SHQ1: variants seen among roughly 807,000 people sequenced by gnomAD.
The protein encoded by SHQ1 is SHQ1, H/ACA ribonucleoprotein assembly factor.
Under a neutral mutation model 53.8 loss-of-function variants are expected in SHQ1, and 49 were observed. The ratio of observed to expected loss-of-function variants is 0.91; its 90% CI spans 0.72 to 1.16. SHQ1 has a LOEUF of 1.16. SHQ1 is among the 50% of genes most tolerant of loss of function. The pLI is 0.00. For missense variants in SHQ1, 738 were observed against 683.1 expected, an observed-to-expected ratio of 1.08 and a Z score of -0.90; for synonymous variants, 243 against 251.0, an observed-to-expected ratio of 0.97 and a Z score of 0.30.
At chr3:72,770,663 AG>A (rs1387951319) in intron 10 of SHQ1, among the ~76,000 whole-genome samples, 1 of 152,192 alleles carries the variant, frequency 6.6e-6, no homozygotes, top group Non-Finnish European at 1.5e-5. Context: ...CTAAAGACAA[AG>A]GTGTTCTGCT....
chr3:72,725,587 T>C, the SHQ1 span, among the ~76,000 whole-genome samples: 1 of 152,330 alleles, frequency 6.6e-6, no homozygotes, highest in Middle Eastern at 3.4e-3. Flanking sequence ...TCTGAAATTA[T>C]CTTAATGACT....
intron 9 of SHQ1, among the ~76,000 whole-genome samples, chr3:72,799,046 C>A (rs1354572903): frequency 1.3e-5 from 2 of 151,950 alleles, no homozygotes; most frequent in South Asian, 2.1e-4. Flanking sequence ...AGGGACCAGG[C>A]CTGGTGGCTC....
chr3:72,781,907 T>C (rs922068160), intron 10 of SHQ1, among the ~76,000 whole-genome samples: 1 of 152,144 alleles, frequency 6.6e-6, no homozygotes, highest in African/African-American at 2.4e-5. Flanking sequence ...CTATTACAGT[T>C]TTCCTATACC....
rs1172885668 is a variant in SHQ1, at chr3:72,813,640, A to G, written c.937-846T>C. ...GCCGGGCGTGGTGGCAGGTGCCTGT[A>G]GTCCCAGCTACTCGGGAAGCTGAGG... On this transcript the variant is annotated intron_variant, in intron 8 of 10. Coordinates refer to ENST00000325599, the MANE Select transcript of SHQ1 (RefSeq NM_018130.3). 4.6e-5 allele frequency among the ~76,000 whole-genome samples: 7 copies of G among 151,492 alleles called. No homozygotes were observed. The South Asian group carries it at 1.3e-3, about 27-fold the overall frequency.
At chr3:72,778,924 C>T (rs1395100499) in intron 10 of SHQ1, among the ~76,000 whole-genome samples, 1 of 152,270 alleles carries the variant, frequency 6.6e-6, no homozygotes, top group Middle Eastern at 3.4e-3. Flanking sequence ...TGCCTTCTTC[C>T]TCATTCTCTA....
intron 10 of SHQ1, among the ~76,000 whole-genome samples, chr3:72,764,957 G>A (rs1034042795): frequency 3.3e-4 from 51 of 152,328 alleles, no homozygotes; most frequent in African/African-American, 1.2e-3. Flanking sequence ...CACACATTGT[G>A]TACAGGGCAG....
At chr3:72,776,319 A>G (rs1022019684) in intron 10 of SHQ1, among the ~76,000 whole-genome samples, 1 of 152,218 alleles carries the variant, frequency 6.6e-6, no homozygotes, top group Non-Finnish European at 1.5e-5. Flanking sequence ...TTCCATATTT[A>G]GATATGTTGA....
the SHQ1 span, among the ~76,000 whole-genome samples, chr3:72,739,209 A>G: frequency 3.3e-5 from 5 of 152,150 alleles, no homozygotes; most frequent in African/African-American, 1.2e-4. Flanking sequence ...GTTTGTGTAC[A>G]AACGAAGCCG....
intron 4 of SHQ1, among the ~76,000 whole-genome samples, chr3:72,835,470 C>T (rs1274123834): frequency 6.6e-6 from 1 of 152,178 alleles, no homozygotes; most frequent in African/African-American, 2.4e-5. Flanking sequence ...TTTTAAAACA[C>T]AGACTTACAT....
intron 10 of SHQ1, among the ~76,000 whole-genome samples, chr3:72,773,662 C>A (rs897942320): frequency 3.3e-5 from 5 of 151,766 alleles, no homozygotes; most frequent in African/African-American, 1.2e-4. Context: ...GGCCTGAATT[C>A]AAAGAAAGGT....
chr3:72,824,309 T>C (rs1459651192), intron 6 of SHQ1, 115 bp downstream of exon 6: 16 of 1,264,074 alleles, frequency 1.3e-5, no homozygotes, highest in Non-Finnish European at 1.6e-5. Context: ...TTCAAACTCA[T>C]ATTTTAACAT....
At chr3:72,741,660 G>C in the SHQ1 span, among the ~76,000 whole-genome samples, 1 of 151,858 alleles carries the variant, frequency 6.6e-6, no homozygotes, top group Non-Finnish European at 1.5e-5. Flanking sequence ...GCCTAGCACA[G>C]CGCTTGGCTT....
In SHQ1 at chr3:72,848,300, A is replaced by C. The variant is rs1708420293; in HGVS notation, c.41T>G (p.Phe14Cys). Residue 14 changes from phenylalanine (F) to cysteine (C), a missense_variant, in exon 1 of 11, where the codon TTC becomes TGC. Transcript: ENST00000325599. ...PAFDLSQDPD[F>C]LTIAIRVPYA... The stretch of plus-strand genomic sequence containing the variant: ...GGGCACGCGGATGGCGATAGTCAGG[A>C]AGTCCGGATCCTGGCTGAGGTCGAA... 1.2e-6 allele frequency: 2 copies of C among 1,614,136 alleles called. No homozygotes were observed. Among genetic ancestry groups the C allele is most frequent in the East Asian group, 4.5e-5 (2 of 44,864 alleles).
At position 72,841,305 on chromosome 3, in the gene SHQ1, T is replaced by C. The variant is rs562939383; in HGVS notation, c.332-106A>G. 1.3e-5 allele frequency: 10 copies of C among 784,284 alleles called. No individual in the cohort carries two copies. The East Asian group carries it at 2.0e-4, about 15-fold the overall frequency. The allele number at this position is 784,284 out of a possible 1,614,324, so 48.6% of individuals were successfully genotyped here. ...CCACAAAGATGTACCAAAAGACATA[T>C]ACCAAATGTACTAAAAGAATATTCA... On this transcript the variant is annotated intron_variant, in intron 3 of 10. Transcript: ENST00000325599.
chr3:72,783,326 G>C (rs921064232), intron 10 of SHQ1, among the ~76,000 whole-genome samples: 2 of 150,626 alleles, frequency 1.3e-5, no homozygotes, highest in African/African-American at 4.9e-5. Context: ...AAATTAACAT[G>C]AAACTATAAA....
chr3:72,834,833 C>T lies in SHQ1; in HGVS notation c.487-2352G>A, dbSNP rs74942546. On this transcript the variant is annotated intron_variant, in intron 4 of 10. Transcript: ENST00000325599. ...ACCTCAGCTTTCTTACTGTCAAGTCCAGTAACATCTCTATCACAGCACTAG... is the reference window on the plus strand; with the variant it reads ...ACCTCAGCTTTCTTACTGTCAAGTCTAGTAACATCTCTATCACAGCACTAG... Among the ~76,000 whole-genome samples the T allele has an allele frequency of 3.7e-3, 564 of 152,290 alleles. 2 individuals are homozygous for T. Among genetic ancestry groups the T allele is most frequent in the African/African-American group, 0.012 (486 of 41,560 alleles).
chr3:72,751,465 A>G (rs994798029), intron 10 of SHQ1, among the ~76,000 whole-genome samples: 2 of 138,602 alleles, frequency 1.4e-5, no homozygotes, highest in Non-Finnish European at 3.1e-5. Flanking sequence ...ATATATCTAT[A>G]ATAAGCACAT....
chr3:72,836,795 C>A (rs1328866202), intron 4 of SHQ1, among the ~76,000 whole-genome samples: 1 of 152,196 alleles, frequency 6.6e-6, no homozygotes, highest in Non-Finnish European at 1.5e-5. Flanking sequence ...AAAAAGGTTC[C>A]TTTTTCTTTT....
chr3:72,778,378 G>GT (rs1358902003), intron 10 of SHQ1, among the ~76,000 whole-genome samples: 1 of 151,972 alleles, frequency 6.6e-6, no homozygotes, highest in Non-Finnish European at 1.5e-5. Context: ...GAGCTCAGGA[G>GT]TTTGAGGCTG....
Sources: allele counts gnomAD v4.1 joint callset (sites outside exome capture counted in the v4.1 genomes callset), GRCh38; gene constraint gnomAD v4.1.1; transcripts MANE v1.5; gene names NCBI Gene and HGNC (gene_info 2026-07-23, HGNC 2026-07-21).